Variants in MTMR9 observed in about 807,000 individuals in gnomAD.
MTMR9 encodes myotubularin-related protein 9.
In MTMR9, 39 loss-of-function variants were observed where a neutral mutation model predicts 69.5. That is an observed-to-expected ratio of 0.56 (90% CI 0.43 to 0.73). The LOEUF (loss-of-function observed/expected upper bound fraction) is 0.73. Among genes scored for constraint, MTMR9 ranks in the 30% least tolerant of loss-of-function variants. The pLI, the probability that MTMR9 is intolerant of heterozygous loss-of-function variation, is 0.00. For synonymous variants in MTMR9, 354 were observed against 240.8 expected (o/e 1.47, Z -4.35); for missense variants, 900 against 671.2 (o/e 1.34, Z -3.77).
intron 3 of MTMR9, among the ~76,000 whole-genome samples, chr8:11,303,143 G>A (rs546436525): frequency 1.1e-4 from 17 of 148,842 alleles, no homozygotes; most frequent in East Asian, 3.9e-4. Context: ...GAGGAGCCAC[G>A]TTACTCTTTG....
intron 1 of MTMR9, among the ~76,000 whole-genome samples, chr8:11,290,109 C>A (rs753560048): frequency 1.3e-5 from 2 of 152,218 alleles, no homozygotes; most frequent in African/African-American, 2.4e-5. Flanking sequence ...TCTCCACTTT[C>A]TTACCAACAT....
At chr8:11,320,259 A>G (rs1255898304) in intron 9 of MTMR9, 1 of 156,260 alleles carries the variant, frequency 6.4e-6, no homozygotes, top group Non-Finnish European at 1.4e-5. Context: ...CATTCCAGTA[A>G]GTTTCTATAA....
the MTMR9 span, among the ~76,000 whole-genome samples, chr8:11,335,445 A>G: frequency 3.3e-5 from 5 of 152,240 alleles, no homozygotes; most frequent in African/African-American, 1.2e-4. Context: ...GAGATATTCT[A>G]TGTTCATGGA....
In MTMR9 at chr8:11,326,469, T is replaced by TTGTTG. The variant is rs1800934273; in HGVS notation, c.*3682_*3683insGTTGT. On this transcript the variant is annotated 3_prime_UTR_variant, in exon 10 of 10. Coordinates refer to ENST00000221086, the MANE Select transcript of MTMR9 (RefSeq NM_015458.4). The stretch of plus-strand genomic sequence containing the variant: ...AGTCATTCAGTACATCTGATAAAGT[T>TTGTTG]TTGTTGTTGTTGTTGTTGTTGTTGT... 3 of 150,838 alleles carry TTGTTG rather than the reference T, an allele frequency of 2.0e-5. No individual in the cohort carries two copies. Among genetic ancestry groups the TTGTTG allele is most frequent in the East Asian group, 2.0e-4 (1 of 5,088 alleles). 9.3% of individuals were successfully genotyped at this position (150,838 alleles called of 1,614,324 possible). A position where few individuals can be genotyped will look rare whatever the true frequency, so the allele number is the denominator to read the frequency against.
chr8:11,324,568 TGCTA>T lies in MTMR9; in HGVS notation c.*1781_*1784del, dbSNP rs1800838415. The T allele has an allele frequency of 6.6e-6, 1 of 152,138 alleles. No individual in the cohort carries two copies. The highest frequency in any genetic ancestry group is 2.1e-4 in the South Asian group (1 of 4,828). The allele number at this position is 152,138 out of a possible 1,614,324, so 9.4% of individuals were successfully genotyped here. ...TTTTTTGTGCTCCCTCAGAATTGCT[TGCTA>T]TGTCTGTTAATACAGCTGAGCTTTT... On this transcript the variant is annotated 3_prime_UTR_variant, in exon 10 of 10. Transcript: ENST00000221086.
chr8:11,330,226 G>A (rs1170158942), downstream of MTMR9, among the ~76,000 whole-genome samples: 2 of 151,422 alleles, frequency 1.3e-5, no homozygotes, highest in African/African-American at 2.4e-5. Flanking sequence ...CTGGCCAGCC[G>A]CCCCGTCCGG....
At chr8:11,329,936 CTGGG>C (rs1439891596), downstream of MTMR9, among the ~76,000 whole-genome samples, 1 of 151,516 alleles carries the variant, frequency 6.6e-6, no homozygotes, top group Non-Finnish European at 1.5e-5. Context: ...GCGACCCCGT[CTGGG>C]AGGTGAGAAG....
chr8:11,309,375 C>T (rs75218187), intron 5 of MTMR9, 152 bp from the exon 6 acceptor site: 22 of 678,564 alleles, frequency 3.2e-5, no homozygotes, highest in Admixed American at 1.2e-4. Flanking sequence ...AGTTTTTCAA[C>T]CTTTAATCCT....
rs1373630127 is a variant in MTMR9, at chr8:11,323,186, G to A, written c.*398G>A. Reference sequence around the variant, plus strand: ...GACTATTTGGTGGTTTAAAAAAAGGGTCAGACTTTTAAACACTCTGACCAT... The same window carrying A: ...GACTATTTGGTGGTTTAAAAAAAGGATCAGACTTTTAAACACTCTGACCAT... On this transcript the variant is annotated 3_prime_UTR_variant, in exon 10 of 10. Transcript: ENST00000221086. The A allele has an allele frequency of 2.0e-5, 3 of 153,240 alleles. No homozygotes were observed. Among genetic ancestry groups the A allele is most frequent in the African/African-American group, 7.2e-5 (3 of 41,460 alleles). 9.5% of individuals were successfully genotyped at this position (153,240 alleles called of 1,614,324 possible).
chr8:11,316,840 G>T lies in MTMR9; in HGVS notation c.1281G>T (p.Glu427Asp). The change falls in exon 8 of 10, where the codon GAG (glutamate) becomes GAT (aspartate). Residue 427 changes from glutamate (E) to aspartate (D), a missense_variant. By Grantham distance (45) the Glu-to-Asp change is conservative (BLOSUM62 2). Coordinates refer to ENST00000221086, the MANE Select transcript of MTMR9 (RefSeq NM_015458.4). The part of the protein sequence containing the change: ...FNENFLIMLF[E>D]HAYASQFGTF... Reference sequence around the variant, plus strand: ...AGAATTTCCTCATCATGCTCTTTGAGCATGCTTATGCCTCACAGTTTGGAA... The same window carrying T: ...AGAATTTCCTCATCATGCTCTTTGATCATGCTTATGCCTCACAGTTTGGAA... 6.2e-7 allele frequency: 1 copy of T among 1,613,272 alleles called. No homozygotes were observed. Among genetic ancestry groups the T allele is most frequent in the African/African-American group, 1.3e-5 (1 of 74,964 alleles).
At chr8:11,295,633 G>C (rs1799527836) in intron 2 of MTMR9, among the ~76,000 whole-genome samples, 1 of 152,104 alleles carries the variant, frequency 6.6e-6, no homozygotes, top group Non-Finnish European at 1.5e-5. Flanking sequence ...TTCTTATTTG[G>C]GGAAACCATT....
Position 11,304,943 on chromosome 8 carries a change from C to G in MTMR9, c.520C>G (p.Arg174Gly). The G allele has an allele frequency of 6.2e-7, 1 of 1,613,972 alleles. No homozygotes were observed. Among genetic ancestry groups the G allele is most frequent in the Non-Finnish European group, 8.5e-7 (1 of 1,179,898 alleles). The change falls in exon 4 of 10, where the codon CGG becomes GGG. Residue 174 changes from arginine to glycine, a missense_variant. Physicochemically the swap from Arg to Gly is moderately radical, Grantham distance 125. Transcript: ENST00000221086. ...CAAATCCATCGATGATGAAGCTCTT[C>G]GGAAGGTAGCTACATTTCGACATGG... ...VPKSIDDEAL[R>G]KVATFRHGGR...
chr8:11,331,096 T>G (rs768019436), downstream of MTMR9: 9 of 1,582,306 alleles, frequency 5.7e-6, no homozygotes, highest in Middle Eastern at 1.8e-4. Flanking sequence ...GAGGAGAAAG[T>G]CCAAGGAAAG....
At position 11,326,070 on chromosome 8, in the gene MTMR9, G is replaced by T. The variant is rs1043964771; in HGVS notation, c.*3282G>T. 1.1e-4 allele frequency: 17 copies of T among 152,122 alleles called. No individual in the cohort carries two copies. Among genetic ancestry groups the T allele is most frequent in the African/African-American group, 3.1e-4 (13 of 41,426 alleles). 9.4% of individuals were successfully genotyped at this position (152,122 alleles called of 1,614,324 possible). On this transcript the variant is annotated 3_prime_UTR_variant, in exon 10 of 10. Coordinates refer to ENST00000221086, the MANE Select transcript of MTMR9 (RefSeq NM_015458.4). ...TAGTCTTTGATTCAGTCAGTATTTG[G>T]TTTATGTTAAATAAAAAATCAGTAT...
In MTMR9 at chr8:11,322,905, A is replaced by AC. The variant is rs918351386; in HGVS notation, c.*123dup. On this transcript the variant is annotated 3_prime_UTR_variant, in exon 10 of 10. Transcript: ENST00000221086. ...TTGAAGTGAAGGCTTTAGATGTGGG[A>AC]CCCCCCTAATGTAATGGATTTCTCA... The AC allele has an allele frequency of 4.7e-5, 39 of 835,642 alleles. No individual in the cohort carries two copies. The highest frequency in any genetic ancestry group is 3.5e-4 in the African/African-American group (20 of 57,850). 51.8% of individuals were successfully genotyped at this position (835,642 alleles called of 1,614,324 possible). A position where few individuals can be genotyped will look rare whatever the true frequency, so the allele number is the denominator to read the frequency against.
chr8:11,304,982 G>A lies in MTMR9; in HGVS notation c.559G>A (p.Val187Ile). ...ATFRHGGRFP[V>I]LSYYHKKNGM... is the part of the protein sequence containing the mutation. ...ATTTCGACATGGAGGGCGCTTCCCAGTACTAAGCTATTACCACAAAAAAAA... is the reference window on the plus strand; with the variant it reads ...ATTTCGACATGGAGGGCGCTTCCCAATACTAAGCTATTACCACAAAAAAAA... Residue 187 changes from valine (V) to isoleucine (I), a missense_variant, in exon 4 of 10, where the codon GTA (valine) becomes ATA (isoleucine). Coordinates refer to ENST00000221086, the MANE Select transcript of MTMR9 (RefSeq NM_015458.4). The A allele has an allele frequency of 1.9e-6, 3 of 1,614,000 alleles. No individual in the cohort carries two copies. The highest frequency in any genetic ancestry group is 2.5e-6 in the Non-Finnish European group (3 of 1,179,940).
chr8:11,315,602 A>C (rs1800383924), intron 7 of MTMR9, among the ~76,000 whole-genome samples: 1 of 152,234 alleles, frequency 6.6e-6, no homozygotes, highest in African/African-American at 2.4e-5. Flanking sequence ...CTGGTAAATA[A>C]TTGTATTTGA....
intron 3 of MTMR9, chr8:11,300,527 A>C (rs1329508777): frequency 6.6e-6 from 1 of 152,648 alleles, no homozygotes; most frequent in East Asian, 1.9e-4. Flanking sequence ...CAGCTTTAAA[A>C]TTTTTACTAG....
At chr8:11,331,357 C>T, downstream of MTMR9, 1 of 1,614,018 alleles carries the variant, frequency 6.2e-7, no homozygotes, top group South Asian at 1.1e-5. Context: ...CTCCCTATTG[C>T]CCTGCTACTT....
Sources: gnomAD v4.1 joint callset for allele counts (sites outside exome capture counted in the v4.1 genomes callset) on GRCh38, gnomAD v4.1.1 for gene constraint, MANE v1.5 for transcripts, NCBI Gene and HGNC (gene_info 2026-07-23, HGNC 2026-07-21) for gene names.